The following POU2F2 variants were observed in gnomAD, a reference collection of about 807,000 sequenced individuals.
POU2F2 encodes the protein POU domain, class 2, transcription factor 2.
POU2F2 carries 14 observed loss-of-function variants against 63.5 expected under a neutral mutation model. That is an observed-to-expected ratio of 0.22 (90% CI 0.15 to 0.34). The LOEUF (loss-of-function observed/expected upper bound fraction) is 0.34. Ranked by LOEUF, POU2F2 falls within the 10% of genes least tolerant of loss-of-function variation. The pLI is 1.00. For missense variants in POU2F2, 607 were observed against 815.2 expected (o/e 0.74, Z 3.11); for synonymous variants, 306 against 348.6 (o/e 0.88, Z 1.36).
intron 1 of POU2F2, among the ~76,000 whole-genome samples, chr19:42,195,940 C>A (rs928188358): frequency 6.6e-6 from 1 of 152,072 alleles, no homozygotes; most frequent in African/African-American, 2.4e-5. Flanking sequence ...CCACCATACT[C>A]GGCTAATTTT....
upstream of POU2F2, chr19:42,196,701 A>AC (rs896602091): frequency 1.3e-5 from 2 of 151,184 alleles, no homozygotes; most frequent in Non-Finnish European, 2.9e-5. Context: ...TCAGTCCCTC[A>AC]CCCCCCGCGC....
upstream of POU2F2, among the ~76,000 whole-genome samples, chr19:42,177,505 A>T (rs943194517): frequency 1.3e-5 from 2 of 151,372 alleles, no homozygotes; most frequent in Non-Finnish European, 3.0e-5. Flanking sequence ...CGAGACCCAC[A>T]GAGACACAGA....
At chr19:42,094,015 G>T in intron 11 of POU2F2, 120 bp from the exon 12 acceptor site, 1 of 757,214 alleles carries the variant, frequency 1.3e-6, no homozygotes, top group Non-Finnish European at 2.2e-6. Context: ...GCACAATGCT[G>T]CATTTGTATT....
At chr19:42,179,830 A>G (rs970996775), upstream of POU2F2, among the ~76,000 whole-genome samples, 2 of 152,136 alleles carry the variant, frequency 1.3e-5, no homozygotes, top group Non-Finnish European at 2.9e-5. Context: ...TAATAGACAC[A>G]GAACTACCTA....
intron 5 of POU2F2, among the ~76,000 whole-genome samples, chr19:42,112,293 A>T (rs547610491): frequency 3.3e-5 from 5 of 152,196 alleles, no homozygotes; most frequent in African/African-American, 1.2e-4. Context: ...TCCTCAAGTC[A>T]CGAGGTCCAG....
At position 42,186,350 on chromosome 19, in the gene POU2F2, C is replaced by CA. The variant is rs2035013334; in HGVS notation, c.-70+10032dup. Among the ~76,000 whole-genome samples the CA allele has an allele frequency of 3.3e-5, 5 of 151,644 alleles. No individual in the cohort carries two copies. In the South Asian group the frequency reaches 8.3e-4, roughly 25 times the overall value. On this transcript the variant is annotated intron_variant, in intron 1 of 5. Coordinates refer to the POU2F2 transcript ENST00000532176. ...ACTCCATCTCAAACAAAAACAAAAA[C>CA]AAAAAAAGAATTTTAAAGGGGAAAT...
intron 1 of POU2F2, among the ~76,000 whole-genome samples, chr19:42,165,400 C>T (rs922729211): frequency 1.3e-5 from 2 of 152,166 alleles, no homozygotes. Context: ...GGAGGGAAAA[C>T]GAAGACCCAG....
Position 42,091,368 on chromosome 19 carries a change from G to T in POU2F2, c.1764C>A (p.Leu588=). 3 of 1,539,794 alleles carry T rather than the reference G, an allele frequency of 1.9e-6. No homozygotes were observed. The highest frequency in any genetic ancestry group is 2.6e-6 in the Non-Finnish European group (3 of 1,146,838). ...ATGAGGATGAAGAGGATGAGGAGGA[G>T]AGGCCAGGAGACTTGCTGGAGATGG... ...AASISSKSPG[L]SSSSSSSSSS... The change falls in exon 15 of 15, where the codon CTC becomes CTA. Residue 588 remains leucine (L), a synonymous_variant. Transcript: ENST00000692977.
At chr19:42,187,544 CTGAGATCAGGAGTT>C (rs2035026323) in intron 1 of POU2F2, among the ~76,000 whole-genome samples, 1 of 150,874 alleles carries the variant, frequency 6.6e-6, no homozygotes, top group South Asian at 2.1e-4. Context: ...GGCAGATCAC[CTGAGATCAGGAGTT>C]TGAGATCAGC....
At chr19:42,195,882 A>G (rs1374481650) in intron 1 of POU2F2, among the ~76,000 whole-genome samples, 1 of 149,696 alleles carries the variant, frequency 6.7e-6, no homozygotes. Context: ...CAGGTTCAAG[A>G]GATCCTTCTG....
At chr19:42,157,810 T>A (rs2034484784) in intron 2 of POU2F2, among the ~76,000 whole-genome samples, 1 of 150,566 alleles carries the variant, frequency 6.6e-6, no homozygotes, top group Admixed American at 6.6e-5. Context: ...CAACCCAGAG[T>A]GGAGAGAAGG....
intron 11 of POU2F2, among the ~76,000 whole-genome samples, chr19:42,094,595 CTCAT>C (rs998444014): frequency 6.6e-6 from 1 of 152,232 alleles, no homozygotes; most frequent in African/African-American, 2.4e-5. Flanking sequence ...CTTCCCCAAC[CTCAT>C]TCATATAAAC....
In POU2F2 at chr19:42,092,003, G is replaced by T; in HGVS notation, c.1467-63C>A. ...GACCTGCCAACATAACTGGGGTGCCGCTCCCCACCCTAGAAGCAGCAGCGA... is the reference window on the plus strand; with the variant it reads ...GACCTGCCAACATAACTGGGGTGCCTCTCCCCACCCTAGAAGCAGCAGCGA... On this transcript the variant is annotated intron_variant, in intron 13 of 14. Transcript: ENST00000692977. The surrounding 1 kb of genome is among the most constrained non-coding windows in gnomAD (Gnocchi z 5.0). The T allele has an allele frequency of 6.5e-7, 1 of 1,539,704 alleles. No homozygotes were observed. The highest frequency in any genetic ancestry group is 8.8e-7 in the Non-Finnish European group (1 of 1,141,302).
chr19:42,145,870 G>T (rs557228369), intron 2 of POU2F2, among the ~76,000 whole-genome samples: 1 of 151,914 alleles, frequency 6.6e-6, no homozygotes, highest in Non-Finnish European at 1.5e-5. Context: ...GGAGGCGGAG[G>T]TTGCAGTGAG....
At chr19:42,172,812 C>G (rs1426102151) in intron 1 of POU2F2, among the ~76,000 whole-genome samples, 2 of 152,214 alleles carry the variant, frequency 1.3e-5, no homozygotes, top group Non-Finnish European at 2.9e-5. Flanking sequence ...ATCCACCCGA[C>G]AGGTCCTGGG....
intron 7 of POU2F2, among the ~76,000 whole-genome samples, chr19:42,097,686 G>A (rs2076975741): frequency 1.3e-5 from 2 of 152,054 alleles, no homozygotes; most frequent in African/African-American, 4.8e-5. Context: ...GGGCGTGACT[G>A]TAGTACCAGC....
chr19:42,177,008 C>A (rs1189396286), upstream of POU2F2: 1 of 142,802 alleles, frequency 7.0e-6, no homozygotes, highest in Non-Finnish European at 1.5e-5. Context: ...GAAGGGCAAG[C>A]GCGGCGCGGG....
chr19:42,122,176 G>A lies in POU2F2; in HGVS notation c.136C>T (p.Gln46Ter). The change falls in exon 4 of 15, where the codon CAA (glutamine) becomes TAA (stop). Residue 46 changes from glutamine (Q) to a stop codon, truncating the protein, a stop_gained. Coordinates refer to ENST00000692977, the MANE Select transcript of POU2F2 (RefSeq NM_001394376.1). LOFTEE classifies it high-confidence loss of function. ...ACGGAGAATGGGGAGGTCTTATTTT[G>A]GGGGTTCTGCAAAGAGAAAGTAGGA... ...NGPDTNHQNP[Q>*]NKTSPFSVSP... 6.2e-7 allele frequency: 1 copy of A among 1,612,944 alleles called. No individual in the cohort carries two copies. The highest frequency in any genetic ancestry group is 8.5e-7 in the Non-Finnish European group (1 of 1,179,264).
chr19:42,163,081 C>G (rs2034582396), intron 1 of POU2F2, among the ~76,000 whole-genome samples: 1 of 152,116 alleles, frequency 6.6e-6, no homozygotes, highest in South Asian at 2.1e-4. Context: ...GCACCTCTAT[C>G]TGATTGGACT....
Sources: gnomAD v4.1 joint callset for allele counts (sites outside exome capture counted in the v4.1 genomes callset) on GRCh38, gnomAD v4.1.1 for gene constraint, Gnocchi (gnomAD v3.1) non-coding constraint, MANE v1.5 for transcripts, NCBI Gene and HGNC (gene_info 2026-07-23, HGNC 2026-07-21) for gene names.